The following DISP1 variants were observed in gnomAD, a reference collection of about 807,000 sequenced individuals.
The protein encoded by DISP1 is protein dispatched homolog 1.
Under a neutral mutation model 37.3 loss-of-function variants are expected in DISP1, and 30 were observed. The observed-to-expected ratio is 0.80, with a 90% CI of 0.60 to 1.09. DISP1 has a LOEUF of 1.09. Among genes scored for constraint, DISP1 ranks in the 50% least tolerant of loss-of-function variants. The pLI is 0.00. For missense variants in DISP1, 1,598 were observed against 1,879.5 expected (o/e 0.85, Z 2.77); for synonymous variants, 634 against 690.2 (o/e 0.92, Z 1.28).
intron 7 of DISP1, among the ~76,000 whole-genome samples, chr1:222,994,583 T>A (rs530769104): frequency 1.3e-5 from 2 of 152,228 alleles, no homozygotes; most frequent in African/African-American, 2.4e-5. Flanking sequence ...ATTCGTTTCC[T>A]GTTGTAAATT....
rs914824165 is a variant in DISP1, at chr1:222,943,035, A to G, written c.212A>G (p.Asn71Ser). The G allele has an allele frequency of 6.2e-7, 1 of 1,614,026 alleles. No individual in the cohort carries two copies. Among genetic ancestry groups the G allele is most frequent in the African/African-American group, 1.3e-5 (1 of 74,894 alleles). ...TVKSSFLPLD[N>S]QRMPQMLPQC... ...AAATCATCCTTTCTGCCTTTAGACA[A>G]CCAAAGAATGCCTCAGATGTTACCC... The change falls in exon 3 of 9, where the codon AAC (asparagine) becomes AGC (serine). Residue 71 changes from asparagine (N) to serine (S), a missense_variant. Physicochemically the swap from Asn to Ser is conservative, Grantham distance 46 (BLOSUM62 1). Transcript: ENST00000675850.
intron 4 of DISP1, among the ~76,000 whole-genome samples, chr1:222,986,672 G>A (rs1420450163): frequency 6.6e-6 from 1 of 152,176 alleles, no homozygotes; most frequent in East Asian, 1.9e-4. Flanking sequence ...TCTGTAAAAG[G>A]AGAATGAGCC....
At chr1:222,929,680 T>A (rs1221655907) in intron 2 of DISP1, among the ~76,000 whole-genome samples, 1 of 152,116 alleles carries the variant, frequency 6.6e-6, no homozygotes, top group Non-Finnish European at 1.5e-5. Context: ...TTGCAGGTAG[T>A]GGGTTTTCTG....
intron 1 of DISP1, among the ~76,000 whole-genome samples, chr1:222,825,991 T>A (rs1377814989): frequency 1.3e-5 from 2 of 152,298 alleles, no homozygotes; most frequent in South Asian, 4.1e-4. Context: ...AGCCTTGACT[T>A]CCTGGGCTGA....
Position 222,991,370 on chromosome 1 carries a change from A to G in DISP1, c.664-150A>G, listed in dbSNP as rs1447001919. On this transcript the variant is annotated intron_variant, in intron 5 of 8. Transcript: ENST00000675850. ...TATCATGTCAAGGCATCTTGTTTTA[A>G]TGCAGTCACCTCTGGAGTAGCTGTG... is the stretch of plus-strand genomic sequence containing the variant. The G allele has an allele frequency of 4.6e-6, 4 of 870,030 alleles. No individual in the cohort carries two copies. The African/African-American group carries it at 5.1e-5, about 11-fold the overall frequency. The allele number at this position is 870,030 out of a possible 1,614,324, so 53.9% of individuals were successfully genotyped here. A position where few individuals can be genotyped will look rare whatever the true frequency, so the allele number is the denominator to read the frequency against.
chr1:222,995,403 C>A lies in DISP1; in HGVS notation c.987+421C>A, dbSNP rs561359577. On this transcript the variant is annotated intron_variant, in intron 8 of 8. Coordinates refer to ENST00000675850, the MANE Select transcript of DISP1 (RefSeq NM_001377229.1). ...GAAATGCCTGCCTCTCTGGCAATCA[C>A]TGGGTCATTTGGGCCAGTGACCTCA... Among the ~76,000 whole-genome samples, 9 of 152,328 alleles carry A rather than the reference C, an allele frequency of 5.9e-5. No homozygotes were observed. The East Asian group carries it at 1.7e-3, about 29-fold the overall frequency.
At chr1:222,855,902 C>A (rs199592283) in intron 1 of DISP1, among the ~76,000 whole-genome samples, 167 of 138,118 alleles carry the variant, frequency 1.2e-3, no homozygotes, top group Non-Finnish European at 1.0e-3. Context: ...TCTCCAGTTT[C>A]AAAAAAAAAA....
At chr1:222,860,526 T>C (rs948752120) in intron 1 of DISP1, among the ~76,000 whole-genome samples, 10 of 152,128 alleles carry the variant, frequency 6.6e-5, no homozygotes, top group African/African-American at 2.4e-4. Context: ...AGCCAATACG[T>C]AATGCCTGAG....
chr1:222,837,277 T>A (rs1172385415), intron 1 of DISP1: 4 of 389,280 alleles, frequency 1.0e-5, no homozygotes, highest in Non-Finnish European at 1.8e-5. Flanking sequence ...ACAGCAGAAC[T>A]GACTGGCTAG....
chr1:222,993,156 G>T (rs982026602), intron 7 of DISP1, among the ~76,000 whole-genome samples: 1 of 152,016 alleles, frequency 6.6e-6, no homozygotes, highest in Non-Finnish European at 1.5e-5. Context: ...ATGAGCCACC[G>T]CACCTGGCCA....
chr1:222,940,724 G>A (rs1674319080), intron 2 of DISP1, among the ~76,000 whole-genome samples: 1 of 152,196 alleles, frequency 6.6e-6, no homozygotes, highest in Admixed American at 6.5e-5. Context: ...CTGATGGAAA[G>A]GGCAGGAGGA....
At chr1:222,832,757 G>T (rs577107894) in intron 1 of DISP1, among the ~76,000 whole-genome samples, 2 of 152,064 alleles carry the variant, frequency 1.3e-5, no homozygotes, top group East Asian at 1.9e-4. Flanking sequence ...TCAGCCAGGC[G>T]TGGTGGCTCA....
At chr1:222,829,436 C>G (rs1665196951) in intron 1 of DISP1, among the ~76,000 whole-genome samples, 1 of 147,978 alleles carries the variant, frequency 6.8e-6, no homozygotes, top group African/African-American at 2.5e-5. Context: ...TTCATCAGTT[C>G]TCTTTGAATG....
chr1:222,868,316 A>C (rs17163532), intron 1 of DISP1, among the ~76,000 whole-genome samples: 60,967 of 151,818 alleles, frequency 0.4, 12,484 homozygotes, highest in South Asian at 0.51. Flanking sequence ...TGTGTTATCC[A>C]ATGAAAAAAA....
chr1:222,892,246 A>G (rs1352623628), intron 1 of DISP1, among the ~76,000 whole-genome samples: 1 of 152,176 alleles, frequency 6.6e-6, no homozygotes, highest in Admixed American at 6.5e-5. Context: ...ACAGCAGGAA[A>G]CATGACACAG....
At chr1:222,897,927 C>G (rs150679848) in intron 1 of DISP1, among the ~76,000 whole-genome samples, 2 of 152,252 alleles carry the variant, frequency 1.3e-5, no homozygotes, top group Non-Finnish European at 2.9e-5. Context: ...CCCATCGAAT[C>G]TGAATCATAG....
intron 3 of DISP1, among the ~76,000 whole-genome samples, chr1:222,982,681 G>A (rs1161256361): frequency 6.6e-6 from 1 of 152,208 alleles, no homozygotes; most frequent in Non-Finnish European, 1.5e-5. Context: ...ATTTTTTTAA[G>A]TGTTGGGATC....
At chr1:222,915,628 G>A (rs1432286313) in intron 1 of DISP1, among the ~76,000 whole-genome samples, 1 of 152,244 alleles carries the variant, frequency 6.6e-6, no homozygotes, top group Non-Finnish European at 1.5e-5. Context: ...TAACTTACTA[G>A]TTTTCATTTT....
rs781619253 is a variant in DISP1 at position 223,003,789 on chromosome 1, A to G, written c.2392A>G (p.Asn798Asp). The G allele has an allele frequency of 3.1e-6, 5 of 1,614,220 alleles. No homozygotes were observed. In the South Asian group the frequency reaches 5.5e-5, roughly 18 times the overall value. Residue 798 changes from asparagine to aspartate, a missense_variant, in exon 9 of 9, where the codon AAT (asparagine) becomes GAT (aspartate). Physicochemically the swap from Asn to Asp is conservative, Grantham distance 23. Transcript: ENST00000675850. The surrounding 1 kb of genome is among the most constrained non-coding windows in gnomAD (Gnocchi z 4.3). ...AATCTGGGGCGTGTCCCCAGAAGAC[A>G]ATGGCAACCCACTAAATCCCAAGAG... The part of the protein sequence containing the change: ...TVIWGVSPED[N>D]GNPLNPKSKG...
Sources: allele counts gnomAD v4.1 joint callset (sites outside exome capture counted in the v4.1 genomes callset), GRCh38; gene constraint gnomAD v4.1.1; non-coding constraint Gnocchi (gnomAD v3.1); transcripts MANE v1.5; gene names NCBI Gene and HGNC (gene_info 2026-07-23, HGNC 2026-07-21).